TUSC3: variants seen among roughly 807,000 people sequenced by gnomAD.
TUSC3 encodes tumor suppressor candidate 3, also known as dolichyl-diphosphooligosaccharide--protein glycosyltransferase subunit TUSC3.
In TUSC3, 45 loss-of-function variants were observed where a neutral mutation model predicts 44.8. The ratio of observed to expected loss-of-function variants is 1.00; its 90% CI spans 0.79 to 1.29. The LOEUF is 1.29. TUSC3 is among the 50% of genes most tolerant of loss of function. The pLI, the probability that TUSC3 is intolerant of heterozygous loss-of-function variation, is 0.00. For missense variants in TUSC3, 519 were observed against 437.9 expected (o/e 1.19, Z -1.65); for synonymous variants, 212 against 152.9 (o/e 1.39, Z -2.85).
intron 1 of TUSC3, among the ~76,000 whole-genome samples, chr8:15,468,107 A>G (rs1442306006): frequency 1.4e-4 from 21 of 152,284 alleles, no homozygotes; most frequent in African/African-American, 4.8e-4. Context: ...TGCTAAATGT[A>G]TTCTTGATGA....
At chr8:15,423,060 C>A (rs1464526595) in intron 1 of TUSC3, among the ~76,000 whole-genome samples, 2 of 152,048 alleles carry the variant, frequency 1.3e-5, no homozygotes, top group East Asian at 3.9e-4. Context: ...ATAGAAATTT[C>A]TATCAAAACA....
At chr8:15,627,957 C>G (rs1585169221) in intron 2 of TUSC3, among the ~76,000 whole-genome samples, 1 of 152,318 alleles carries the variant, frequency 6.6e-6, no homozygotes, top group Admixed American at 6.5e-5. Context: ...AAAGGTGCCA[C>G]TGGCCACAGA....
intron 6 of TUSC3, among the ~76,000 whole-genome samples, chr8:15,708,490 G>A (rs879662702): frequency 1.3e-5 from 2 of 151,924 alleles, no homozygotes; most frequent in Non-Finnish European, 2.9e-5. Flanking sequence ...CTTCCTAAAT[G>A]AAAGTGTGGT....
chr8:15,791,036 C>T, the TUSC3 span, among the ~76,000 whole-genome samples: 36 of 151,862 alleles, frequency 2.4e-4, no homozygotes, highest in African/African-American at 8.5e-4. Flanking sequence ...TACTCAAGGC[C>T]AAAAAGTGAA....
At chr8:15,494,867 T>C (rs544092776) in intron 2 of TUSC3, among the ~76,000 whole-genome samples, 1 of 152,316 alleles carries the variant, frequency 6.6e-6, no homozygotes, top group Admixed American at 6.5e-5. Flanking sequence ...TTGATAGGAA[T>C]GATAAAGAGC....
chr8:15,626,103 C>T (rs572657686), intron 2 of TUSC3, among the ~76,000 whole-genome samples: 17 of 152,240 alleles, frequency 1.1e-4, no homozygotes, highest in South Asian at 2.1e-4. Context: ...CCGTGTGCAC[C>T]GTGCCCCCTG....
chr8:15,526,454 C>G (rs1476774963), intron 2 of TUSC3, among the ~76,000 whole-genome samples: 1 of 152,106 alleles, frequency 6.6e-6, no homozygotes, highest in Non-Finnish European at 1.5e-5. Flanking sequence ...ACTGTAGCTC[C>G]AACAATTCCC....
intron 9 of TUSC3, among the ~76,000 whole-genome samples, chr8:15,755,604 A>G (rs2604364): frequency 0.32 from 48,797 of 151,730 alleles, 8,660 homozygotes; most frequent in East Asian, 0.45. Context: ...CAGCAATTAT[A>G]AACAACAGTT....
the TUSC3 span, among the ~76,000 whole-genome samples, chr8:15,779,884 C>T: frequency 2.6e-4 from 39 of 152,260 alleles, no homozygotes; most frequent in African/African-American, 9.4e-4. Context: ...CTGTGTCATA[C>T]TTAATGGTGA....
chr8:15,733,971 G>A (rs1810829705), intron 7 of TUSC3, among the ~76,000 whole-genome samples: 3 of 152,194 alleles, frequency 2.0e-5, no homozygotes, highest in Non-Finnish European at 4.4e-5. Flanking sequence ...TTGAGCCCGG[G>A]AGGTCAAGGC....
At chr8:15,511,286 A>T (rs1801132807) in intron 2 of TUSC3, among the ~76,000 whole-genome samples, 1 of 151,982 alleles carries the variant, frequency 6.6e-6, no homozygotes. Flanking sequence ...GAAGGGAGGG[A>T]GGGAGGTGAG....
the TUSC3 span, among the ~76,000 whole-genome samples, chr8:15,790,259 C>T: frequency 2.4e-4 from 32 of 133,686 alleles, no homozygotes; most frequent in South Asian, 6.9e-3. Context: ...GATTTTGGCT[C>T]GCTGCAACCT....
At chr8:15,661,083 C>A (rs1023844624) in intron 4 of TUSC3, among the ~76,000 whole-genome samples, 1 of 151,846 alleles carries the variant, frequency 6.6e-6, no homozygotes, top group African/African-American at 2.4e-5. Flanking sequence ...TGTCTCTTTA[C>A]CTCTCTCCAC....
the TUSC3 span, among the ~76,000 whole-genome samples, chr8:15,794,709 A>G: frequency 3.1e-5 from 1 of 32,620 alleles, no homozygotes; most frequent in Admixed American, 2.8e-4. Context: ...ATAGGAGAGG[A>G]AGCCTAATAA....
At chr8:15,437,310 G>A (rs999750469) in intron 1 of TUSC3, among the ~76,000 whole-genome samples, 8 of 152,072 alleles carry the variant, frequency 5.3e-5, no homozygotes, top group Non-Finnish European at 8.8e-5. Flanking sequence ...ATAAACTTGA[G>A]GCTGTTTAGT....
intron 2 of TUSC3, among the ~76,000 whole-genome samples, chr8:15,501,350 C>T (rs1328301491): frequency 6.6e-6 from 1 of 152,148 alleles, no homozygotes; most frequent in Non-Finnish European, 1.5e-5. Context: ...GATCAATTGT[C>T]CTGTCTTTGA....
At chr8:15,746,474 T>C (rs1474263128) in intron 8 of TUSC3, among the ~76,000 whole-genome samples, 2 of 152,168 alleles carry the variant, frequency 1.3e-5, no homozygotes, top group Admixed American at 6.5e-5. Flanking sequence ...TGCCTCATTA[T>C]GGCATTTTAT....
At chr8:15,665,884 A>G (rs1345948099) in intron 5 of TUSC3, among the ~76,000 whole-genome samples, 4 of 151,352 alleles carry the variant, frequency 2.6e-5, no homozygotes, top group Non-Finnish European at 5.9e-5. Context: ...ATGATTGTTC[A>G]TGGAATAGAA....
the TUSC3 span, among the ~76,000 whole-genome samples, chr8:15,851,188 C>T: frequency 6.6e-6 from 1 of 152,156 alleles, no homozygotes; most frequent in Admixed American, 6.5e-5. Context: ...TCTAGTTTGA[C>T]CAAAGCCTTG....
Sources: allele counts gnomAD v4.1 joint callset (sites outside exome capture counted in the v4.1 genomes callset), GRCh38; gene constraint gnomAD v4.1.1; transcripts MANE v1.5; gene names NCBI Gene and HGNC (gene_info 2026-07-23, HGNC 2026-07-21).